CAMK2G: variants seen among roughly 807,000 people sequenced by gnomAD.
The protein encoded by CAMK2G is calcium/calmodulin dependent protein kinase II gamma, also known as calcium/calmodulin-dependent protein kinase type II subunit gamma.
In CAMK2G, 23 loss-of-function variants were observed where a neutral mutation model predicts 88.7. The ratio of observed to expected loss-of-function variants is 0.26; its 90% CI spans 0.19 to 0.37. The LOEUF is 0.37. CAMK2G is among the 10% of genes least tolerant of loss of function. The probability of loss-of-function intolerance (pLI) is 1.00; values close to 1 mark genes in which losing one functional copy is unlikely to be tolerated. For synonymous variants in CAMK2G, 263 were observed against 294.8 expected (o/e 0.89, Z 1.11); for missense variants, 476 against 780.8 (o/e 0.61, Z 4.65).
chr10:73,847,134 A>C, intron 10 of CAMK2G, 91 bp downstream of exon 10: 1 of 1,348,226 alleles, frequency 7.4e-7, no homozygotes, highest in Non-Finnish European at 1.1e-6. Flanking sequence ...GCCCAGAATG[A>C]ATCTCTGCTG....
intron 14 of CAMK2G, 144 bp from the exon 15 acceptor site, chr10:73,828,265 G>A (rs1404132539): frequency 4.3e-6 from 3 of 692,360 alleles, no homozygotes; most frequent in African/African-American, 3.5e-5. Flanking sequence ...CAGCACCAGA[G>A]GGTTAAACAG....
chr10:73,822,480 C>G (rs926763956), intron 17 of CAMK2G, among the ~76,000 whole-genome samples: 26 of 152,198 alleles, frequency 1.7e-4, no homozygotes, highest in African/African-American at 6.3e-4. Flanking sequence ...CCCTAGAGTT[C>G]TTGATCATGA....
At chr10:73,869,079 G>A (rs2095705359) in intron 2 of CAMK2G, among the ~76,000 whole-genome samples, 1 of 152,224 alleles carries the variant, frequency 6.6e-6, no homozygotes, top group Non-Finnish European at 1.5e-5. Context: ...AGAGGGCATG[G>A]CAAGAGCAAC....
At chr10:73,847,187 C>T (rs2094309944) in intron 10 of CAMK2G, 38 bp downstream of exon 10, 1 of 1,608,162 alleles carries the variant, frequency 6.2e-7, no homozygotes, top group Non-Finnish European at 8.5e-7. Context: ...AGAAGGCTGA[C>T]ACCCCTGAGC....
chr10:73,837,869 AT>A (rs1272404094), intron 13 of CAMK2G, among the ~76,000 whole-genome samples: 1 of 152,196 alleles, frequency 6.6e-6, no homozygotes, highest in Non-Finnish European at 1.5e-5. Flanking sequence ...TGAGGGCTCC[AT>A]CCCTAGGTGC....
chr10:73,863,112 A>G (rs1215884438), intron 2 of CAMK2G, among the ~76,000 whole-genome samples: 2 of 152,252 alleles, frequency 1.3e-5, no homozygotes, highest in Non-Finnish European at 2.9e-5. Context: ...GCTTTGTCCT[A>G]AACTTTCCCT....
intron 17 of CAMK2G, among the ~76,000 whole-genome samples, chr10:73,822,423 C>T (rs1351183223): frequency 1.3e-5 from 2 of 152,200 alleles, no homozygotes; most frequent in East Asian, 3.8e-4. Context: ...TCGCCTCGGC[C>T]TTCCAAAGTG....
At chr10:73,874,329 G>C in intron 1 of CAMK2G, 68 bp downstream of exon 1, 1 of 1,114,156 alleles carries the variant, frequency 9.0e-7, no homozygotes. Context: ...GGGCCGGGGG[G>C]CGGGGCGAGA....
chr10:73,831,534 T>TA (rs985986206), intron 14 of CAMK2G, among the ~76,000 whole-genome samples: 1,049 of 54,556 alleles, frequency 0.019, 15 homozygotes, highest in Non-Finnish European at 0.028. Context: ...AGACTCCGTC[T>TA]AAAAAAAAAA....
At chr10:73,826,212 C>T (rs1023570802) in intron 15 of CAMK2G, among the ~76,000 whole-genome samples, 1 of 152,196 alleles carries the variant, frequency 6.6e-6, no homozygotes, top group Non-Finnish European at 1.5e-5. Flanking sequence ...GCGGGTGGAT[C>T]ACCTGAGGTC....
At chr10:73,815,295 T>C (rs766345886) in intron 21 of CAMK2G, 48 bp from the exon 22 acceptor site, 24 of 1,229,854 alleles carry the variant, frequency 2.0e-5, no homozygotes, top group South Asian at 8.8e-5. Flanking sequence ...CCTGGGCACC[T>C]GCATTTTCCT....
chr10:73,849,038 T>C lies in CAMK2G; in HGVS notation c.492A>G (p.Val164=). 6.2e-7 allele frequency: 1 copy of C among 1,612,934 alleles called. No homozygotes were observed. The highest frequency in any genetic ancestry group is 8.5e-7 in the Non-Finnish European group (1 of 1,178,928). The change falls in exon 7 of 23, where the codon GTA becomes GTG. Residue 164 remains valine, a synonymous_variant. Transcript: ENST00000423381. ...CAAACCAAGCCTGCTGCTCTCCCTG[T>C]ACTTCGATGGCTAGGCCAAAATCAG... is the stretch of plus-strand genomic sequence containing the variant. The part of the protein sequence containing the change: ...KLADFGLAIE[V]QGEQQAWFGF...
chr10:73,852,842 A>C (rs1264970395), intron 4 of CAMK2G: 1 of 293,196 alleles, frequency 3.4e-6, no homozygotes, highest in African/African-American at 2.2e-5. Context: ...GACTAATGAA[A>C]GCTACCTCTG....
chr10:73,840,797 G>A (rs978609196), intron 12 of CAMK2G, among the ~76,000 whole-genome samples: 6 of 152,216 alleles, frequency 3.9e-5, no homozygotes, highest in Admixed American at 6.5e-5. Flanking sequence ...ACAGAGCTTC[G>A]CTCTAGGGGC....
chr10:73,865,824 C>T (rs1267302742), intron 2 of CAMK2G, among the ~76,000 whole-genome samples: 1 of 152,118 alleles, frequency 6.6e-6, no homozygotes, highest in Non-Finnish European at 1.5e-5. Flanking sequence ...CCAAGGTGGA[C>T]CCTCCTCCAC....
At chr10:73,817,700 C>T (rs1318952121) in intron 19 of CAMK2G, 146 bp from the exon 20 acceptor site, 11 of 640,188 alleles carry the variant, frequency 1.7e-5, no homozygotes, top group Middle Eastern at 3.1e-4. Context: ...GCAGGAAGAG[C>T]GAACACACCT....
At chr10:73,850,564 C>G (rs2094546984) in intron 5 of CAMK2G, among the ~76,000 whole-genome samples, 1 of 152,196 alleles carries the variant, frequency 6.6e-6, no homozygotes, top group Admixed American at 6.5e-5. Context: ...GGAGAGGCCT[C>G]ACAACAAGGA....
chr10:73,815,850 T>C (rs1175941376), intron 21 of CAMK2G: 2 of 985,670 alleles, frequency 2.0e-6, no homozygotes, highest in African/African-American at 1.7e-5. Flanking sequence ...AGAAGTTGGA[T>C]TGCCATTATC....
chr10:73,861,818 T>G (rs1393180172), intron 2 of CAMK2G, among the ~76,000 whole-genome samples: 1 of 152,244 alleles, frequency 6.6e-6, no homozygotes, highest in Non-Finnish European at 1.5e-5. Flanking sequence ...ATGATCAAGA[T>G]AATGATGACT....
Sources: allele counts gnomAD v4.1 joint callset (sites outside exome capture counted in the v4.1 genomes callset), GRCh38; gene constraint gnomAD v4.1.1; transcripts MANE v1.5; gene names NCBI Gene and HGNC (gene_info 2026-07-23, HGNC 2026-07-21).